The following ZC3H12B variants were observed in gnomAD, a reference collection of about 807,000 sequenced individuals.
ZC3H12B encodes zinc finger CCCH-type containing 12B.
ZC3H12B carries 7 observed loss-of-function variants against 43.9 expected under a neutral mutation model. The ratio of observed to expected loss-of-function variants is 0.16; its 90% CI spans 0.09 to 0.30. The LOEUF is 0.30. Ranked by LOEUF, ZC3H12B falls within the 10% of genes least tolerant of loss-of-function variation. ZC3H12B has a pLI of 1.00. For synonymous variants in ZC3H12B, 222 were observed against 241.7 expected (o/e 0.92, Z 0.76); for missense variants, 475 against 670.2 (o/e 0.71, Z 3.22).
At chrX:65,392,630 TG>T (rs1217241452) in intron 2 of ZC3H12B, among the ~76,000 whole-genome samples, 2 of 108,074 alleles carry the variant, frequency 1.9e-5, no homozygotes, top group Admixed American at 9.6e-5. Flanking sequence ...GTCTGGGAGG[TG>T]GGGGGCGCCT....
At chrX:65,242,766 G>A in the ZC3H12B span, among the ~76,000 whole-genome samples, 1 of 112,115 alleles carries the variant, frequency 8.9e-6, no homozygotes, top group African/African-American at 3.2e-5. Context: ...TCATGATGCT[G>A]TCATAAAAGC....
chrX:65,419,900 ACCCAGGATCCAGG>A (rs930278419), intron 3 of ZC3H12B, among the ~76,000 whole-genome samples: 7 of 111,220 alleles, frequency 6.3e-5, no homozygotes, highest in African/African-American at 2.3e-4. Context: ...GCTTCAGTGG[ACCCAGGATCCAGG>A]CTCATTCTAC....
chrX:65,172,037 C>T, the ZC3H12B span, among the ~76,000 whole-genome samples: 53 of 112,314 alleles, frequency 4.7e-4, no homozygotes, highest in Admixed American at 3.2e-3. Flanking sequence ...ACCCACTGTC[C>T]GACAAGCCCC....
At chrX:65,337,976 G>A in the ZC3H12B span, among the ~76,000 whole-genome samples, 1 of 111,540 alleles carries the variant, frequency 9.0e-6, no homozygotes, top group Non-Finnish European at 1.9e-5. Flanking sequence ...TTTTTTATCT[G>A]ACTTACCACT....
chrX:65,470,646 C>T (rs1398286952), intron 3 of ZC3H12B, among the ~76,000 whole-genome samples: 2 of 111,256 alleles, frequency 1.8e-5, no homozygotes, highest in Non-Finnish European at 3.8e-5. Flanking sequence ...TTGAAGTACC[C>T]ACTCATGAGT....
At chrX:65,043,566 C>G in the ZC3H12B span, among the ~76,000 whole-genome samples, 16 of 110,767 alleles carry the variant, frequency 1.4e-4, no homozygotes, top group Non-Finnish European at 2.6e-4. Flanking sequence ...ATACTAGCAT[C>G]CCATTAACCA....
the ZC3H12B span, among the ~76,000 whole-genome samples, chrX:65,339,909 CT>C: frequency 2.7e-5 from 3 of 111,686 alleles, no homozygotes; most frequent in African/African-American, 6.5e-5. Flanking sequence ...TGGGTTTTGG[CT>C]TTAATGTTCT....
intron 2 of ZC3H12B, among the ~76,000 whole-genome samples, chrX:65,369,259 A>C (rs2066213838): frequency 9.0e-6 from 1 of 111,491 alleles, no homozygotes; most frequent in Non-Finnish European, 1.9e-5. Flanking sequence ...AGGAAAGGGA[A>C]TATCACTTGT....
At chrX:65,426,518 G>C (rs763712187) in intron 3 of ZC3H12B, among the ~76,000 whole-genome samples, 1 of 109,354 alleles carries the variant, frequency 9.1e-6, no homozygotes, top group African/African-American at 3.3e-5. Flanking sequence ...GCTAGCTTTG[G>C]GGTTCATTTT....
the ZC3H12B span, among the ~76,000 whole-genome samples, chrX:65,041,882 G>A: frequency 8.9e-6 from 1 of 111,901 alleles, no homozygotes; most frequent in African/African-American, 3.3e-5. Context: ...GTTCTGAGAT[G>A]AAATTCTTCT....
At chrX:65,102,548 A>G in the ZC3H12B span, among the ~76,000 whole-genome samples, 1 of 112,374 alleles carries the variant, frequency 8.9e-6, no homozygotes, top group South Asian at 3.7e-4. Flanking sequence ...CTCAGGATAC[A>G]GAAATCAATG....
At chrX:65,323,708 C>T in the ZC3H12B span, among the ~76,000 whole-genome samples, 1 of 111,730 alleles carries the variant, frequency 9.0e-6, no homozygotes, top group Non-Finnish European at 1.9e-5. Flanking sequence ...GGTATATACC[C>T]AGTAATGGGA....
At chrX:65,384,056 A>C (rs1290482648) in intron 2 of ZC3H12B, among the ~76,000 whole-genome samples, 1 of 100,972 alleles carries the variant, frequency 9.9e-6, no homozygotes, top group Admixed American at 1.1e-4. Context: ...GCTGCTATAA[A>C]GACACATGCA....
the ZC3H12B span, among the ~76,000 whole-genome samples, chrX:65,137,146 T>G: frequency 8.9e-6 from 1 of 112,306 alleles, no homozygotes; most frequent in South Asian, 3.6e-4. Context: ...TAATATAAAT[T>G]AAAAGTATTT....
chrX:65,254,348 A>T, the ZC3H12B span, among the ~76,000 whole-genome samples: 1 of 112,359 alleles, frequency 8.9e-6, no homozygotes, highest in Non-Finnish European at 1.9e-5. Flanking sequence ...CAACCCTTCC[A>T]TCACAGCAGG....
chrX:65,252,347 A>G, the ZC3H12B span, among the ~76,000 whole-genome samples: 100 of 111,664 alleles, frequency 9.0e-4, no homozygotes, highest in African/African-American at 3.1e-3. Context: ...CCAGTATTTT[A>G]TTGAGGATTT....
At chrX:65,236,817 T>C in the ZC3H12B span, among the ~76,000 whole-genome samples, 1 of 112,197 alleles carries the variant, frequency 8.9e-6, no homozygotes, top group Non-Finnish European at 1.9e-5. Context: ...GTCTTCCCAT[T>C]GCTCATTTTC....
chrX:65,133,541 G>C, the ZC3H12B span, among the ~76,000 whole-genome samples: 1 of 111,696 alleles, frequency 9.0e-6, no homozygotes. Context: ...CATCGACCTT[G>C]GCTATGCCTT....
At chrX:65,117,778 A>G in the ZC3H12B span, among the ~76,000 whole-genome samples, 2 of 111,885 alleles carry the variant, frequency 1.8e-5, no homozygotes, top group Non-Finnish European at 3.8e-5. Flanking sequence ...CTTTCTACAT[A>G]TGGCTATCCA....
Sources: gnomAD v4.1 joint callset for allele counts (sites outside exome capture counted in the v4.1 genomes callset) on GRCh38, gnomAD v4.1.1 for gene constraint, MANE v1.5 for transcripts, NCBI Gene and HGNC (gene_info 2026-07-23, HGNC 2026-07-21) for gene names.